CIMIP6: variants seen among roughly 807,000 people sequenced by gnomAD.
The protein encoded by CIMIP6 is uncharacterized protein C2orf73.
At chr2:54,334,673 A>G in the CIMIP6 span, 35 of 601,104 alleles carry the variant, frequency 5.8e-5, no homozygotes, top group Non-Finnish European at 8.8e-5. Context: ...CCTAAATTTT[A>G]ACAGCACAAA....
chr2:54,331,449 G>A, the CIMIP6 span, among the ~76,000 whole-genome samples: 981 of 151,990 alleles, frequency 6.5e-3, 6 homozygotes, highest in Middle Eastern at 0.014. Flanking sequence ...AGAGCTATCC[G>A]TTTACAGCCC....
chr2:54,358,358 T>C, the CIMIP6 span, among the ~76,000 whole-genome samples: 288 of 152,318 alleles, frequency 1.9e-3, 2 homozygotes, highest in African/African-American at 6.7e-3. Flanking sequence ...AGTTATGTTT[T>C]CCCTAAAATG....
At chr2:54,337,196 G>T in the CIMIP6 span, among the ~76,000 whole-genome samples, 1 of 152,178 alleles carries the variant, frequency 6.6e-6, no homozygotes, top group Non-Finnish European at 1.5e-5. Flanking sequence ...TTTAGATGGA[G>T]ATTGCTTTTT....
the CIMIP6 span, among the ~76,000 whole-genome samples, chr2:54,361,828 T>C: frequency 5.9e-5 from 9 of 152,188 alleles, no homozygotes; most frequent in Non-Finnish European, 1.2e-4. Context: ...TCTTAAAGCC[T>C]AGGGACTTGA....
the CIMIP6 span, chr2:54,343,985 G>A: frequency 1.0e-6 from 1 of 1,002,934 alleles, no homozygotes; most frequent in Non-Finnish European, 1.4e-6. Context: ...TCTCTATGAA[G>A]TTGAAAATAC....
the CIMIP6 span, among the ~76,000 whole-genome samples, chr2:54,341,667 G>A: frequency 6.6e-6 from 1 of 152,198 alleles, no homozygotes; most frequent in African/African-American, 2.4e-5. Flanking sequence ...TTGAATTGTG[G>A]CAGTGCAGCA....
At chr2:54,352,330 A>T in the CIMIP6 span, among the ~76,000 whole-genome samples, 1 of 152,164 alleles carries the variant, frequency 6.6e-6, no homozygotes, top group African/African-American at 2.4e-5. Flanking sequence ...GCCACTCTAT[A>T]ACCAGTCTTT....
At chr2:54,379,096 T>C in the CIMIP6 span, among the ~76,000 whole-genome samples, 2 of 152,350 alleles carry the variant, frequency 1.3e-5, no homozygotes, top group East Asian at 3.9e-4. Flanking sequence ...TGATATTAGA[T>C]ATCAGCAAAA....
At chr2:54,333,242 G>A in the CIMIP6 span, among the ~76,000 whole-genome samples, 2 of 152,128 alleles carry the variant, frequency 1.3e-5, no homozygotes, top group Non-Finnish European at 2.9e-5. Context: ...AAAAAATTGT[G>A]GTGTTAATAA....
At chr2:54,370,423 T>C in the CIMIP6 span, among the ~76,000 whole-genome samples, 1 of 150,452 alleles carries the variant, frequency 6.6e-6, no homozygotes, top group Non-Finnish European at 1.5e-5. Context: ...CAAAGGTGTA[T>C]TACAATTATT....
the CIMIP6 span, among the ~76,000 whole-genome samples, chr2:54,359,597 CAATAAT>C: frequency 0.016 from 2,385 of 149,100 alleles, 57 homozygotes; most frequent in African/African-American, 0.055. Flanking sequence ...TTTCTAATAA[CAATAAT>C]AATAATAATA....
At chr2:54,374,630 A>G in the CIMIP6 span, among the ~76,000 whole-genome samples, 1 of 152,264 alleles carries the variant, frequency 6.6e-6, no homozygotes, top group African/African-American at 2.4e-5. Flanking sequence ...TTTTATGCAC[A>G]TTATCCAAAA....
At chr2:54,334,939 AT>A in the CIMIP6 span, 2 of 1,598,750 alleles carry the variant, frequency 1.3e-6, no homozygotes, top group South Asian at 2.3e-5. Context: ...GGACGTATAT[AT>A]TATGCTAAAT....
At chr2:54,359,067 A>C in the CIMIP6 span, 1 of 1,468,734 alleles carries the variant, frequency 6.8e-7, no homozygotes, top group Non-Finnish European at 9.3e-7. Context: ...GAGCCTCTCC[A>C]GGGAAAGGTG....
chr2:54,378,047 C>T, the CIMIP6 span, among the ~76,000 whole-genome samples: 1 of 152,110 alleles, frequency 6.6e-6, no homozygotes, highest in African/African-American at 2.4e-5. Flanking sequence ...TTGGTGGGAG[C>T]TATTTAGAGA....
At chr2:54,353,329 CAGGGGTGCATAATTCACTTTT>C in the CIMIP6 span, among the ~76,000 whole-genome samples, 1 of 152,058 alleles carries the variant, frequency 6.6e-6, no homozygotes, top group Non-Finnish European at 1.5e-5. Flanking sequence ...GGCAGGGTGG[CAGGGGTGCATAATTCACTTTT>C]AGGGCTCTGA....
the CIMIP6 span, among the ~76,000 whole-genome samples, chr2:54,362,966 AT>A: frequency 6.6e-6 from 1 of 152,176 alleles, no homozygotes; most frequent in Non-Finnish European, 1.5e-5. Context: ...GAAACTTAAT[AT>A]TTGACCATCT....
the CIMIP6 span, among the ~76,000 whole-genome samples, chr2:54,350,100 C>G: frequency 1.3e-5 from 2 of 152,202 alleles, no homozygotes; most frequent in African/African-American, 4.8e-5. Context: ...AGGTGATCCA[C>G]CTGCCTTGGC....
At chr2:54,367,952 G>T in the CIMIP6 span, among the ~76,000 whole-genome samples, 2 of 152,058 alleles carry the variant, frequency 1.3e-5, no homozygotes, top group Non-Finnish European at 2.9e-5. Flanking sequence ...TAACCTTATA[G>T]GTCACATAAT....
Sources: allele counts gnomAD v4.1 joint callset (sites outside exome capture counted in the v4.1 genomes callset), GRCh38; gene constraint gnomAD v4.1.1; transcripts MANE v1.5; gene names NCBI Gene and HGNC (gene_info 2026-07-23, HGNC 2026-07-21).